ACAD10: variants seen among roughly 807,000 people sequenced by gnomAD.
The protein encoded by ACAD10 is acyl-CoA dehydrogenase family member 10.
ACAD10 carries 112 observed loss-of-function variants against 116.8 expected under a neutral mutation model. That is an observed-to-expected ratio of 0.96 (90% CI 0.82 to 1.12). The LOEUF (loss-of-function observed/expected upper bound fraction) is 1.12. Among genes scored for constraint, ACAD10 ranks in the 50% most tolerant of loss-of-function variants. The pLI, the probability that ACAD10 is intolerant of heterozygous loss-of-function variation, is 0.00. For synonymous variants in ACAD10, 486 were observed against 510.6 expected (o/e 0.95, Z 0.65); for missense variants, 1,259 against 1,350.2 (o/e 0.93, Z 1.06).
In ACAD10 at chr12:111,744,705, G is replaced by A. The variant is rs372475122; in HGVS notation, c.1777G>A (p.Ala593Thr). 1.0e-4 allele frequency: 161 copies of A among 1,614,092 alleles called. No homozygotes were observed. The highest frequency in any genetic ancestry group is 1.3e-4 in the Non-Finnish European group (149 of 1,180,042). Residue 593 changes from alanine (A) to threonine (T), a missense_variant, in exon 13 of 21, where the codon GCG becomes ACG. Ala to Thr is a moderately conservative substitution (Grantham distance 58). Coordinates refer to ENST00000313698, the MANE Select transcript of ACAD10 (RefSeq NM_025247.6). ...GCTGACCGAATTTGTGTCTAACCTGGCGTGGGATTTCGCAGTCAAAGAAGG... is the reference window on the plus strand; with the variant it reads ...GCTGACCGAATTTGTGTCTAACCTGACGTGGGATTTCGCAGTCAAAGAAGG... ...GKLTEFVSNL[A>T]WDFAVKEGFR...
chr12:111,702,310 GGT>G lies in ACAD10; in HGVS notation c.336+2_336+3del. 1.2e-6 allele frequency: 2 copies of G among 1,614,018 alleles called. No individual in the cohort carries two copies. The highest frequency in any genetic ancestry group is 8.5e-7 in the Non-Finnish European group (1 of 1,179,992). ...AATTTGGGAGACTTTGCTCTGAAAT[GGT>G]GAGTGGTAAACATACCTACATTTCC... On this transcript the variant is annotated splice_donor_variant, in intron 3 of 20. Transcript: ENST00000313698. LOFTEE classifies it high-confidence loss of function.
In ACAD10 at chr12:111,721,835, A is replaced by T. The variant is rs528644755; in HGVS notation, c.1061+96A>T. The T allele has an allele frequency of 5.7e-4, 626 of 1,094,374 alleles. 3 individuals are homozygous for T. Among genetic ancestry groups the T allele is most frequent in the South Asian group, 2.4e-3 (122 of 51,902 alleles). 67.8% of individuals were successfully genotyped at this position (1,094,374 alleles called of 1,614,324 possible). ...TTCCAATTTGTTAAAGACAAATAAAATTTGGGTAGGAGGGAAAAGAAACTT... is the reference window on the plus strand; with the variant it reads ...TTCCAATTTGTTAAAGACAAATAAATTTTGGGTAGGAGGGAAAAGAAACTT... On this transcript the variant is annotated intron_variant, in intron 8 of 20. Transcript: ENST00000313698.
In ACAD10 at chr12:111,721,737, A is replaced by G; in HGVS notation, c.1059A>G (p.Ser353=). ...ACGTTCTTGATCTCTGTGAAGATTC[A>G]AGGTAAAGTTCAGATGTTTTTGCTA... is the stretch of plus-strand genomic sequence containing the variant. The part of the protein sequence containing the change: ...VPNVLDLCED[S]SVIGTPFYVM... The change falls in exon 8 of 21, where the codon TCA becomes TCG. Residue 353 remains serine (S), a splice_region_variant and synonymous_variant. Transcript: ENST00000313698. The G allele has an allele frequency of 6.3e-7, 1 of 1,595,746 alleles. No individual in the cohort carries two copies. Among genetic ancestry groups the G allele is most frequent in the African/African-American group, 1.3e-5 (1 of 74,840 alleles).
At chr12:111,746,718 G>A (rs1889910669) in intron 14 of ACAD10, among the ~76,000 whole-genome samples, 1 of 151,954 alleles carries the variant, frequency 6.6e-6, no homozygotes, top group Non-Finnish European at 1.5e-5. Context: ...AATGTGAGAA[G>A]GCCAGGCATG....
chr12:111,732,090 CA>C (rs951636786), intron 10 of ACAD10, among the ~76,000 whole-genome samples: 1 of 151,770 alleles, frequency 6.6e-6, no homozygotes, highest in Non-Finnish European at 1.5e-5. Context: ...CAAAAAACAA[CA>C]AAAAAAGAAA....
At chr12:111,741,403 T>C (rs949761204) in intron 12 of ACAD10, among the ~76,000 whole-genome samples, 8 of 152,214 alleles carry the variant, frequency 5.3e-5, no homozygotes, top group African/African-American at 1.7e-4. Context: ...AAAAGCTTAA[T>C]AGACTGCCCA....
chr12:111,736,341 C>G (rs1889563680), intron 11 of ACAD10, among the ~76,000 whole-genome samples: 1 of 152,034 alleles, frequency 6.6e-6, no homozygotes, highest in Admixed American at 6.6e-5. Flanking sequence ...CAGGTGCACG[C>G]CACCATGCCT....
At chr12:111,716,204 C>A (rs372377017) in intron 7 of ACAD10, among the ~76,000 whole-genome samples, 3 of 151,936 alleles carry the variant, frequency 2.0e-5, no homozygotes, top group African/African-American at 2.4e-5. Flanking sequence ...GTTTCTACCC[C>A]CCATCCCCCC....
At chr12:111,688,350 C>T (rs546661404) in intron 1 of ACAD10, 2 of 152,328 alleles carry the variant, frequency 1.3e-5, no homozygotes, top group Admixed American at 1.3e-4. Flanking sequence ...TTTCCAATTA[C>T]TGTCGTTGCA....
At chr12:111,717,384 G>T in intron 7 of ACAD10, among the ~76,000 whole-genome samples, 1 of 151,424 alleles carries the variant, frequency 6.6e-6, no homozygotes, top group African/African-American at 2.4e-5. Context: ...AGCATACCCA[G>T]GGTCATAAAA....
rs367549501 is a variant in ACAD10 at position 111,692,737 on chromosome 12, C to T, written c.28C>T (p.Pro10Ser). ...GTGTGTCAGGAGCTGTTTCCAGTCC[C>T]CCCGTCTCCAGTGGGTGTGGAGAAC... The part of the protein sequence containing the change: MCVRSCFQS[P>S]RLQWVWRTAF... Residue 10 changes from proline to serine, a missense_variant, in exon 2 of 21, where the codon CCC becomes TCC. Transcript: ENST00000313698. 1 of 1,614,132 alleles carries T rather than the reference C, an allele frequency of 6.2e-7. No individual in the cohort carries two copies. Among genetic ancestry groups the T allele is most frequent in the Non-Finnish European group, 8.5e-7 (1 of 1,180,004 alleles).
chr12:111,707,199 C>T (rs1165904581), intron 4 of ACAD10, among the ~76,000 whole-genome samples: 3 of 152,010 alleles, frequency 2.0e-5, no homozygotes, highest in Non-Finnish European at 2.9e-5. Context: ...AAGCAATTCT[C>T]GTGCCTCAGC....
At chr12:111,693,860 T>G (rs1045229830) in intron 2 of ACAD10, among the ~76,000 whole-genome samples, 6 of 152,110 alleles carry the variant, frequency 3.9e-5, no homozygotes, top group African/African-American at 1.4e-4. Context: ...CTCTTGCACA[T>G]AAAAGCCCAG....
chr12:111,719,669 C>T (rs1888958706), intron 7 of ACAD10, among the ~76,000 whole-genome samples: 1 of 152,174 alleles, frequency 6.6e-6, no homozygotes, highest in Non-Finnish European at 1.5e-5. Context: ...TCTCCTGCCT[C>T]AGCCTCCTAA....
intron 18 of ACAD10, among the ~76,000 whole-genome samples, chr12:111,751,547 A>G (rs901012454): frequency 5.9e-5 from 9 of 151,998 alleles, no homozygotes; most frequent in Admixed American, 5.9e-4. Context: ...CCTCGCCAAC[A>G]TGGTGATACC....
chr12:111,735,058 C>T (rs1478802957), intron 11 of ACAD10, among the ~76,000 whole-genome samples: 2 of 151,998 alleles, frequency 1.3e-5, no homozygotes, highest in Admixed American at 6.6e-5. Context: ...CCCGTCTCTA[C>T]TAAAAATACA....
In ACAD10 at chr12:111,729,850, C is replaced by T. The variant is rs146335507; in HGVS notation, c.1288C>T (p.Arg430Ter). 264 of 1,613,998 alleles carry T rather than the reference C, an allele frequency of 1.6e-4. No homozygotes were observed. Among genetic ancestry groups the T allele is most frequent in the Non-Finnish European group, 8.9e-5 (105 of 1,180,010 alleles). ...RQVRTWVKQYRASETSTIPAM... is the reference protein window; with the variant it reads ...RQVRTWVKQY ...GGTACGAACCTGGGTTAAGCAGTAT[C>T]GAGCTTCCGAAACTAGCACCATCCC... Residue 430 changes from arginine to a stop codon, truncating the protein, a stop_gained, in exon 10 of 21, where the codon CGA becomes TGA. Transcript: ENST00000313698. LOFTEE classifies it high-confidence loss of function.
rs538400775 is a variant in ACAD10, at chr12:111,686,641, G to A, written c.-14+402G>A. Among the ~76,000 whole-genome samples, 26 of 152,284 alleles carry A rather than the reference G, an allele frequency of 1.7e-4. No individual in the cohort carries two copies. In the South Asian group the frequency reaches 4.8e-3, roughly 28 times the overall value. On this transcript the variant is annotated intron_variant, in intron 1 of 20. Transcript: ENST00000313698. Reference sequence around the variant, plus strand: ...TGAGACAGGAGAATCGCTTGAACCCGGGAGGCGGAGGTTGCAGTGAGTCGA... The same window carrying A: ...TGAGACAGGAGAATCGCTTGAACCCAGGAGGCGGAGGTTGCAGTGAGTCGA...
chr12:111,756,989 C>T lies in ACAD10; in HGVS notation c.*516C>T, dbSNP rs1400571003. 1 of 425,174 alleles carries T rather than the reference C, an allele frequency of 2.4e-6. No individual in the cohort carries two copies. The highest frequency in any genetic ancestry group is 4.7e-6 in the Non-Finnish European group (1 of 210,910). The allele number at this position is 425,174 out of a possible 1,614,324, so 26.3% of individuals were successfully genotyped here. A position where few individuals can be genotyped will look rare whatever the true frequency, so the allele number is the denominator to read the frequency against. ...GAATGCAACCCACATTGTAAAGCCACTGGCATCTGATTATCTCCATTTGAA... is the reference window on the plus strand; with the variant it reads ...GAATGCAACCCACATTGTAAAGCCATTGGCATCTGATTATCTCCATTTGAA... On this transcript the variant is annotated 3_prime_UTR_variant, in exon 21 of 21. Transcript: ENST00000313698.
Sources: allele counts gnomAD v4.1 joint callset (sites outside exome capture counted in the v4.1 genomes callset), GRCh38; gene constraint gnomAD v4.1.1; transcripts MANE v1.5; gene names NCBI Gene and HGNC (gene_info 2026-07-23, HGNC 2026-07-21).